The following TENM2 variants were observed in gnomAD, a reference collection of about 807,000 sequenced individuals.
TENM2 encodes teneurin transmembrane protein 2, also known as teneurin-2.
In TENM2, 52 loss-of-function variants were observed where a neutral mutation model predicts 245.2. That is an observed-to-expected ratio of 0.21 (90% CI 0.17 to 0.27). The LOEUF (loss-of-function observed/expected upper bound fraction) is 0.27, where lower values mean the gene tolerates loss of function less well. Ranked by LOEUF, TENM2 falls within the 10% of genes least tolerant of loss-of-function variation. The probability of loss-of-function intolerance (pLI) is 1.00; values close to 1 mark genes in which losing one functional copy is unlikely to be tolerated. For synonymous variants in TENM2, 1,363 were observed against 1,438.9 expected (o/e 0.95, Z 1.19); for missense variants, 3,046 against 3,666.8 (o/e 0.83, Z 4.37).
intron 6 of TENM2, among the ~76,000 whole-genome samples, chr5:168,056,001 A>C (rs1789513006): frequency 6.6e-6 from 1 of 152,212 alleles, no homozygotes; most frequent in African/African-American, 2.4e-5. Flanking sequence ...TAAAGATAAA[A>C]ATCTTAACTA....
intron 2 of TENM2, among the ~76,000 whole-genome samples, chr5:167,731,270 A>G (rs1339870508): frequency 6.7e-6 from 1 of 150,172 alleles, no homozygotes; most frequent in South Asian, 2.1e-4. Flanking sequence ...TTTGAGCGAG[A>G]TGGAAGATGT....
At chr5:167,314,286 C>T (rs1322374028) in intron 1 of TENM2, among the ~76,000 whole-genome samples, 3 of 152,126 alleles carry the variant, frequency 2.0e-5, no homozygotes, top group Admixed American at 2.0e-4. Flanking sequence ...AGGGCAAGTG[C>T]TTACATTATC....
rs534404788 is a variant in TENM2, at chr5:168,215,637, C to T, written c.4078+365C>T. On this transcript the variant is annotated intron_variant, in intron 21 of 28. Coordinates refer to ENST00000518659, the Ensembl canonical transcript of TENM2. ...TGAGCCGAGATCGCGCCACTGCACTCCAGCCTGGGCAACAGAGCGAGACTC... is the reference window on the plus strand; with the variant it reads ...TGAGCCGAGATCGCGCCACTGCACTTCAGCCTGGGCAACAGAGCGAGACTC... 2.8e-4 allele frequency among the ~76,000 whole-genome samples: 42 copies of T among 152,282 alleles called. 1 individual carries two copies. Among genetic ancestry groups the T allele is most frequent in the African/African-American group, 8.9e-4 (37 of 41,570 alleles).
At chr5:167,005,163 G>A in the TENM2 span, among the ~76,000 whole-genome samples, 4 of 152,078 alleles carry the variant, frequency 2.6e-5, no homozygotes, top group South Asian at 6.2e-4. Flanking sequence ...GTATGGATTC[G>A]AGCGAGGGCT....
At chr5:167,763,170 A>C (rs1457322335) in intron 2 of TENM2, among the ~76,000 whole-genome samples, 12 of 152,228 alleles carry the variant, frequency 7.9e-5, no homozygotes. Flanking sequence ...CACTGCTTAG[A>C]GAAAAATGTG....
chr5:168,163,940 A>C (rs1259014232), intron 13 of TENM2, among the ~76,000 whole-genome samples: 2 of 152,014 alleles, frequency 1.3e-5, no homozygotes, highest in Non-Finnish European at 2.9e-5. Flanking sequence ...TCTCCAGCTA[A>C]GGTGTGGAGG....
At chr5:168,023,341 A>G (rs973896273) in intron 5 of TENM2, among the ~76,000 whole-genome samples, 1 of 152,192 alleles carries the variant, frequency 6.6e-6, no homozygotes, top group African/African-American at 2.4e-5. Context: ...AGCCGTGATG[A>G]TTTCCAGGCC....
intron 2 of TENM2, among the ~76,000 whole-genome samples, chr5:167,698,686 T>G (rs200943132): frequency 0.029 from 3,302 of 114,780 alleles, 35 homozygotes; most frequent in South Asian, 0.044. Flanking sequence ...TTTGTTTTTT[T>G]TTTTTTTTTT....
At chr5:167,340,029 C>T (rs1218520643) in intron 1 of TENM2, among the ~76,000 whole-genome samples, 2 of 152,218 alleles carry the variant, frequency 1.3e-5, no homozygotes, top group South Asian at 2.1e-4. Context: ...CACATTTCTT[C>T]AGCCCTTTGC....
chr5:167,829,165 G>A (rs984050514), intron 2 of TENM2, among the ~76,000 whole-genome samples: 3 of 152,186 alleles, frequency 2.0e-5, no homozygotes, highest in African/African-American at 7.2e-5. Context: ...GTGGTGAAAT[G>A]CATTTGAAAT....
At chr5:167,534,022 G>C (rs573642026) in intron 2 of TENM2, among the ~76,000 whole-genome samples, 3 of 152,302 alleles carry the variant, frequency 2.0e-5, no homozygotes, top group South Asian at 2.1e-4. Flanking sequence ...GAGTCACTGA[G>C]TGTGTGTCCA....
intron 2 of TENM2, among the ~76,000 whole-genome samples, chr5:167,780,379 G>A (rs141354784): frequency 6.6e-6 from 1 of 152,278 alleles, no homozygotes; most frequent in African/African-American, 2.4e-5. Context: ...AGTCCCAGCT[G>A]GAGCCAAACA....
rs563956680 is a variant in TENM2 at position 167,361,244 on chromosome 5, C to T, written c.227-13954C>T. Among the ~76,000 whole-genome samples, 42 of 152,184 alleles carry T rather than the reference C, an allele frequency of 2.8e-4. No individual in the cohort carries two copies. In the East Asian group the frequency reaches 5.8e-3, roughly 21 times the overall value. On this transcript the variant is annotated intron_variant, in intron 1 of 28. Coordinates refer to ENST00000518659, the Ensembl canonical transcript of TENM2. ...TCATAGAAAAGTACAGAGAAGAAAG[C>T]GAGCAATGAGTATCACTTGTAATTA...
intron 2 of TENM2, among the ~76,000 whole-genome samples, chr5:167,746,885 A>ATTTTG (rs1420721236): frequency 6.6e-6 from 1 of 152,128 alleles, no homozygotes; most frequent in East Asian, 1.9e-4. Flanking sequence ...GCTTATAGAC[A>ATTTTG]TTTTGTTTCA....
intron 1 of TENM2, among the ~76,000 whole-genome samples, chr5:167,324,025 G>A (rs1541657): frequency 6.6e-6 from 1 of 151,974 alleles, no homozygotes; most frequent in Non-Finnish European, 1.5e-5. Flanking sequence ...GTTTGAATTC[G>A]TCTTAGCCGT....
rs139269745 is a variant in TENM2 at position 168,218,207 on chromosome 5, G to A, written c.4316G>A (p.Arg1439Gln). 1.1e-4 allele frequency: 177 copies of A among 1,613,284 alleles called. No individual in the cohort carries two copies. The highest frequency in any genetic ancestry group is 5.5e-4 in the South Asian group (50 of 91,040). ...GTTCTAGAGAACAATGTCATCCTTC[G>A]AATCACCGAGAACCACCAAGTCAGC... is the stretch of plus-strand genomic sequence containing the variant. The change falls in exon 23 of 29, where the codon CGA becomes CAA. Residue 1439 changes from arginine (R) to glutamine (Q), a missense_variant. This residue lies in a region of TENM2 where 2,704 missense variants were observed against 3,331.9 expected (regional missense o/e 0.81). Coordinates refer to ENST00000518659, the Ensembl canonical transcript of TENM2. The surrounding 1 kb of genome is among the most constrained non-coding windows in gnomAD (Gnocchi z 5.2).
intron 2 of TENM2, among the ~76,000 whole-genome samples, chr5:167,526,461 A>G (rs968485900): frequency 1.3e-5 from 2 of 151,754 alleles, no homozygotes; most frequent in African/African-American, 4.8e-5. Context: ...ATGGTTGTCT[A>G]TTTTTTTAAT....
intron 2 of TENM2, among the ~76,000 whole-genome samples, chr5:167,676,639 AGT>A (rs1173518556): frequency 1.3e-5 from 2 of 152,088 alleles, no homozygotes; most frequent in Admixed American, 1.3e-4. Context: ...CTGGAGAAAG[AGT>A]GTGTGTGTCT....
At chr5:167,422,310 A>G (rs1001082074) in intron 2 of TENM2, among the ~76,000 whole-genome samples, 10 of 152,310 alleles carry the variant, frequency 6.6e-5, no homozygotes, top group African/African-American at 2.2e-4. Flanking sequence ...GAAATCCACA[A>G]TGTGCAGTTC....
Sources: allele counts gnomAD v4.1 joint callset (sites outside exome capture counted in the v4.1 genomes callset), GRCh38; gene constraint gnomAD v4.1.1; regional missense constraint gnomAD v4.1.1; non-coding constraint Gnocchi (gnomAD v3.1); transcripts MANE v1.5; gene names NCBI Gene and HGNC (gene_info 2026-07-23, HGNC 2026-07-21).